The following SPEF2 variants were observed in gnomAD, a reference collection of about 807,000 sequenced individuals.
SPEF2 encodes the protein sperm flagella and cilia-associated protein 2.
SPEF2 carries 187 observed loss-of-function variants against 224.6 expected under a neutral mutation model. The ratio of observed to expected loss-of-function variants is 0.83; its 90% confidence interval spans 0.74 to 0.94. The LOEUF (loss-of-function observed/expected upper bound fraction) is 0.94. Among genes scored for constraint, SPEF2 ranks in the 40% least tolerant of loss-of-function variants. The probability of loss-of-function intolerance (pLI) is 0.00; values close to 1 mark genes in which losing one functional copy is unlikely to be tolerated. For missense variants in SPEF2, 2,170 were observed against 2,135.6 expected (o/e 1.02, Z -0.32); for synonymous variants, 715 against 707.3 (o/e 1.01, Z -0.17).
At chr5:35,671,130 C>G in intron 10 of SPEF2, 1 of 985,096 alleles carries the variant, frequency 1.0e-6, no homozygotes, top group Non-Finnish European at 1.2e-6. Flanking sequence ...GTAAGTGCAA[C>G]ATGAAAAAAA....
chr5:35,670,514 A>AT (rs1168141730), intron 10 of SPEF2: 1 of 1,039,560 alleles, frequency 9.6e-7, no homozygotes, highest in African/African-American at 1.7e-5. Context: ...GCTTTAATTT[A>AT]TTTATTAGCA....
intron 10 of SPEF2, among the ~76,000 whole-genome samples, chr5:35,673,615 T>G (rs1432370826): frequency 2.0e-5 from 3 of 152,214 alleles, no homozygotes; most frequent in African/African-American, 7.2e-5. Flanking sequence ...ATATTTCATT[T>G]CCAGCACATC....
intron 23 of SPEF2, among the ~76,000 whole-genome samples, chr5:35,745,617 C>T (rs1185193551): frequency 6.6e-6 from 1 of 152,164 alleles, no homozygotes; most frequent in Non-Finnish European, 1.5e-5. Flanking sequence ...AGGTGCATAA[C>T]TCCAGTGACC....
At chr5:35,681,212 T>A (rs1221151764) in intron 10 of SPEF2, among the ~76,000 whole-genome samples, 2 of 152,162 alleles carry the variant, frequency 1.3e-5, no homozygotes, top group Non-Finnish European at 2.9e-5. Flanking sequence ...TATAAAAAAA[T>A]TTAAGAACAG....
At chr5:35,718,198 C>A (rs2149623437) in intron 20 of SPEF2, among the ~76,000 whole-genome samples, 1 of 152,312 alleles carries the variant, frequency 6.6e-6, no homozygotes, top group African/African-American at 2.4e-5. Context: ...GCATGTCAGG[C>A]TTCTGGGTTC....
At chr5:35,666,932 G>T in intron 8 of SPEF2, 140 bp from the exon 9 acceptor site, 1 of 682,098 alleles carries the variant, frequency 1.5e-6, no homozygotes. Flanking sequence ...TAAGAAAAAA[G>T]TGTTCATTCA....
chr5:35,646,463 T>G, intron 4 of SPEF2: 1 of 428,450 alleles, frequency 2.3e-6, no homozygotes, highest in Non-Finnish European at 4.2e-6. Flanking sequence ...ATTCCAGAAT[T>G]GTGTTTTAAT....
At chr5:35,782,747 T>C (rs1243043009) in intron 30 of SPEF2, among the ~76,000 whole-genome samples, 2 of 151,934 alleles carry the variant, frequency 1.3e-5, no homozygotes, top group African/African-American at 4.8e-5. Context: ...AACAAAAGTC[T>C]CCATTAAAAT....
At chr5:35,810,890 C>A in intron 36 of SPEF2, among the ~76,000 whole-genome samples, 1 of 152,082 alleles carries the variant, frequency 6.6e-6, no homozygotes, top group Non-Finnish European at 1.5e-5. Context: ...CTTTAACTCT[C>A]CCTCCTCAAG....
intron 26 of SPEF2, 55 bp downstream of exon 26, chr5:35,763,757 G>A (rs1751680452): frequency 6.8e-7 from 1 of 1,472,204 alleles, no homozygotes; most frequent in Non-Finnish European, 9.0e-7. Flanking sequence ...TAAGTACCAA[G>A]GTTGGTAATA....
chr5:35,732,605 TATG>T (rs1580491713), intron 21 of SPEF2, among the ~76,000 whole-genome samples: 1 of 152,322 alleles, frequency 6.6e-6, no homozygotes, highest in Non-Finnish European at 1.5e-5. Context: ...AAAAATTTAA[TATG>T]ATGATAAAAC....
chr5:35,741,152 C>T (rs1316563386), intron 23 of SPEF2, among the ~76,000 whole-genome samples: 2 of 152,084 alleles, frequency 1.3e-5, no homozygotes, highest in Non-Finnish European at 2.9e-5. Context: ...GTCCAGGAGA[C>T]ACAGAATAAG....
chr5:35,742,585 T>C (rs892951480), intron 23 of SPEF2, among the ~76,000 whole-genome samples: 3 of 151,948 alleles, frequency 2.0e-5, no homozygotes, highest in Non-Finnish European at 4.4e-5. Context: ...TATGAATATA[T>C]TCCTATAATT....
At chr5:35,751,076 T>TAC (rs1233530219) in intron 23 of SPEF2, among the ~76,000 whole-genome samples, 40 of 50,428 alleles carry the variant, frequency 7.9e-4, no homozygotes, top group East Asian at 3.2e-3. Context: ...TGTATATATA[T>TAC]ATACACACAC....
At chr5:35,647,203 T>C (rs77275203) in intron 5 of SPEF2, among the ~76,000 whole-genome samples, 2,791 of 152,244 alleles carry the variant, frequency 0.018, 89 homozygotes, top group African/African-American at 0.065. Flanking sequence ...ATGTCACTTA[T>C]GTTTCTGAAG....
intron 20 of SPEF2, 118 bp from the exon 21 acceptor site, chr5:35,727,557 G>A: frequency 2.5e-6 from 2 of 797,280 alleles, no homozygotes; most frequent in Non-Finnish European, 3.8e-6. Flanking sequence ...CCTCAAAAAA[G>A]CTTAAAAAGT....
intron 23 of SPEF2, among the ~76,000 whole-genome samples, chr5:35,743,882 C>T (rs1270651775): frequency 2.0e-5 from 3 of 152,044 alleles, no homozygotes; most frequent in Non-Finnish European, 4.4e-5. Context: ...CTTTTTCATC[C>T]CCACAACCAC....
intron 34 of SPEF2, among the ~76,000 whole-genome samples, chr5:35,805,182 G>C (rs1757907807): frequency 1.3e-5 from 2 of 152,038 alleles, no homozygotes; most frequent in South Asian, 4.2e-4. Flanking sequence ...TCACCTGTTA[G>C]AGCATTCCCT....
At chr5:35,688,791 T>G (rs1754021211) in intron 10 of SPEF2, among the ~76,000 whole-genome samples, 1 of 152,160 alleles carries the variant, frequency 6.6e-6, no homozygotes, top group Non-Finnish European at 1.5e-5. Context: ...TGTGTAAGAG[T>G]TGTGTGAGAA....
Sources: gnomAD v4.1 joint callset for allele counts (sites outside exome capture counted in the v4.1 genomes callset) on GRCh38, gnomAD v4.1.1 for gene constraint, MANE v1.5 for transcripts, NCBI Gene and HGNC (gene_info 2026-07-23, HGNC 2026-07-21) for gene names.